PPP1R1C: variants seen among roughly 807,000 people sequenced by gnomAD.
The protein encoded by PPP1R1C is protein phosphatase 1 regulatory subunit 1C.
A neutral mutation model predicts 17.4 loss-of-function variants in PPP1R1C; 15 were observed. The observed-to-expected ratio is 0.86, with a 90% CI of 0.58 to 1.33. The LOEUF (loss-of-function observed/expected upper bound fraction) is 1.33, where lower values mean the gene tolerates loss of function less well. PPP1R1C is among the 40% of genes most tolerant of loss of function. PPP1R1C has a pLI of 0.00. For synonymous variants in PPP1R1C, 35 were observed against 43.1 expected, an observed-to-expected ratio of 0.81 and a Z score of 0.73; for missense variants, 143 against 130.0, an observed-to-expected ratio of 1.10 and a Z score of -0.48.
At chr2:182,124,247 G>C (rs1689809440) in intron 5 of PPP1R1C, among the ~76,000 whole-genome samples, 2 of 150,062 alleles carry the variant, frequency 1.3e-5, no homozygotes, top group African/African-American at 4.9e-5. Context: ...ATGCTGTTTT[G>C]GTTACTGTAC....
At chr2:182,002,615 G>T (rs2125150106) in intron 2 of PPP1R1C, among the ~76,000 whole-genome samples, 1 of 152,092 alleles carries the variant, frequency 6.6e-6, no homozygotes, top group East Asian at 1.9e-4. Flanking sequence ...TTGGTTAAAT[G>T]TCTGATAAAG....
rs1684933769 is a variant in PPP1R1C, at chr2:181,967,891, T to G, written n.112-7328T>G. ...CCACCATGCCTGGCTAATTTTGTGTTTTTAGTAGAGAGGGGATTTCTTCAT... is the reference window on the plus strand; with the variant it reads ...CCACCATGCCTGGCTAATTTTGTGTGTTTAGTAGAGAGGGGATTTCTTCAT... On this transcript the variant is annotated intron_variant and non_coding_transcript_variant, in intron 1 of 5. Transcript: ENST00000464264. This position sits in a 1 kb window ranked among gnomAD's most constrained non-coding sequence, Gnocchi z 5.5. Among the ~76,000 whole-genome samples, 1 of 152,058 alleles carries G rather than the reference T, an allele frequency of 6.6e-6. No homozygotes were observed. The highest frequency in any genetic ancestry group is 1.5e-5 in the Non-Finnish European group (1 of 68,008).
chr2:182,000,788 T>C (rs1427731541), intron 2 of PPP1R1C, among the ~76,000 whole-genome samples: 5 of 152,144 alleles, frequency 3.3e-5, no homozygotes, highest in Non-Finnish European at 5.9e-5. Flanking sequence ...TATTAATACA[T>C]TTGCTCCAAT....
intron 1 of PPP1R1C, among the ~76,000 whole-genome samples, chr2:181,965,089 A>T (rs1027167623): frequency 2.0e-5 from 3 of 151,442 alleles, no homozygotes; most frequent in Non-Finnish European, 2.9e-5. Flanking sequence ...TGCCATTTAT[A>T]TATCTTCTTT....
intron 2 of PPP1R1C, among the ~76,000 whole-genome samples, chr2:181,988,305 A>C (rs912915430): frequency 1.3e-5 from 2 of 152,210 alleles, no homozygotes; most frequent in African/African-American, 4.8e-5. Context: ...AAAGGTTGAC[A>C]TGGGGTGGGC....
chr2:182,073,010 C>T (rs1574428546), intron 4 of PPP1R1C, among the ~76,000 whole-genome samples: 1 of 152,336 alleles, frequency 6.6e-6, no homozygotes, highest in Middle Eastern at 3.4e-3. Context: ...TGCCTTGCCT[C>T]CGGCCACAGC....
intron 4 of PPP1R1C, among the ~76,000 whole-genome samples, chr2:182,094,416 A>C (rs527525802): frequency 1.3e-5 from 2 of 152,374 alleles, no homozygotes; most frequent in South Asian, 4.1e-4. Context: ...AAAGTTAAAC[A>C]TTCAGTACAG....
chr2:182,026,616 T>C (rs1219423545), intron 2 of PPP1R1C, among the ~76,000 whole-genome samples: 1 of 152,092 alleles, frequency 6.6e-6, no homozygotes, highest in African/African-American at 2.4e-5. Flanking sequence ...ACTGTAGGCT[T>C]GTAGTATAGT....
At position 181,979,388 on chromosome 2, in the gene PPP1R1C, C is replaced by CT. The variant is rs544982336; in HGVS notation, n.157+4131dup. On this transcript the variant is annotated intron_variant and non_coding_transcript_variant, in intron 2 of 5. Coordinates refer to the PPP1R1C transcript ENST00000464264. ...TTCACTGCTATTACTTTATTTGAGG[C>CT]TTTTTTTCATTTCTTGAGTAGATTT... Among the ~76,000 whole-genome samples the CT allele has an allele frequency of 9.2e-5, 14 of 152,274 alleles. 1 individual carries two copies. Among genetic ancestry groups the CT allele is most frequent in the Admixed American group, 2.6e-4 (4 of 15,302 alleles).
At chr2:182,033,999 A>G (rs1686925191) in intron 2 of PPP1R1C, among the ~76,000 whole-genome samples, 1 of 152,204 alleles carries the variant, frequency 6.6e-6, no homozygotes, top group South Asian at 2.1e-4. Flanking sequence ...GTTTAGAATC[A>G]AGAAGGCTTT....
intron 2 of PPP1R1C, among the ~76,000 whole-genome samples, chr2:181,978,435 T>G (rs968743225): frequency 9.9e-5 from 15 of 152,176 alleles, no homozygotes; most frequent in African/African-American, 3.6e-4. Context: ...CTCAAACAGC[T>G]GGAGATGACT....
chr2:182,013,024 C>A (rs190519528), intron 2 of PPP1R1C, among the ~76,000 whole-genome samples: 44 of 152,114 alleles, frequency 2.9e-4, no homozygotes, highest in Non-Finnish European at 5.9e-5. Flanking sequence ...ATGGGTGCAT[C>A]ATTTAATCTT....
rs570919798 is a variant in PPP1R1C at position 181,968,142 on chromosome 2, G to T, written n.112-7077G>T. Among the ~76,000 whole-genome samples, 6 of 152,312 alleles carry T rather than the reference G, an allele frequency of 3.9e-5. No individual in the cohort carries two copies. In the South Asian group the frequency reaches 1.2e-3, roughly 32 times the overall value. ...GTTGTCTGATCTTGAGAATGATTCA[G>T]GTGCTGAGGAGAAGATTATGTATTC... On this transcript the variant is annotated intron_variant and non_coding_transcript_variant, in intron 1 of 5. Transcript: ENST00000464264.
At chr2:182,072,921 T>G (rs966351140) in intron 4 of PPP1R1C, among the ~76,000 whole-genome samples, 1 of 152,322 alleles carries the variant, frequency 6.6e-6, no homozygotes, top group East Asian at 1.9e-4. Flanking sequence ...TTCCTTCAAG[T>G]GTTCACTAAT....
In PPP1R1C at chr2:181,956,048, C is replaced by T. The variant is rs549454634; in HGVS notation, n.111+1414C>T. On this transcript the variant is annotated intron_variant and non_coding_transcript_variant, in intron 1 of 5. Transcript: ENST00000464264. ...CTCCCCTATCTCCTCCCCACCTCCC[C>T]GCCGCCACCCCTGCCCACAGGCCTG... 3.9e-5 allele frequency among the ~76,000 whole-genome samples: 6 copies of T among 152,244 alleles called. No individual in the cohort carries two copies. In the East Asian group the frequency reaches 1.2e-3, roughly 29 times the overall value.
chr2:181,978,347 C>T (rs1685134742), intron 2 of PPP1R1C, among the ~76,000 whole-genome samples: 1 of 152,184 alleles, frequency 6.6e-6, no homozygotes, highest in African/African-American at 2.4e-5. Context: ...CATGACAGAA[C>T]ATTTGGAGAG....
chr2:182,129,816 T>C (rs1010202163), exon 6 of PPP1R1C: 3 of 152,246 alleles, frequency 2.0e-5, no homozygotes, highest in South Asian at 2.1e-4. Flanking sequence ...TTATACTGTC[T>C]TATATATTGA....
chr2:181,975,194 GC>G, intron 1 of PPP1R1C: 1 of 134,302 alleles, frequency 7.4e-6, no homozygotes, highest in Admixed American at 7.3e-5. Flanking sequence ...GTTATTTGTT[GC>G]CTTTTTTTTT....
intron 4 of PPP1R1C, among the ~76,000 whole-genome samples, chr2:182,098,125 C>A (rs1006638914): frequency 6.6e-6 from 1 of 152,058 alleles, no homozygotes; most frequent in Non-Finnish European, 1.5e-5. Flanking sequence ...ATAACAGACA[C>A]CCCCAACCCC....
Sources: gnomAD v4.1 joint callset for allele counts (sites outside exome capture counted in the v4.1 genomes callset) on GRCh38, gnomAD v4.1.1 for gene constraint, Gnocchi (gnomAD v3.1) non-coding constraint, MANE v1.5 for transcripts, NCBI Gene and HGNC (gene_info 2026-07-23, HGNC 2026-07-21) for gene names.